Variants in PIWIL3 observed in about 807,000 individuals in gnomAD.
The protein encoded by PIWIL3 is piwi like RNA-mediated gene silencing 3, also known as piwi-like protein 3.
A neutral mutation model predicts 109.7 loss-of-function variants in PIWIL3; 101 were observed. The ratio of observed to expected loss-of-function variants is 0.92; its 90% CI spans 0.78 to 1.09. PIWIL3 has a LOEUF of 1.09. Ranked by LOEUF, PIWIL3 falls within the 50% of genes least tolerant of loss-of-function variation. PIWIL3 has a pLI of 0.00. For missense variants in PIWIL3, 1,031 were observed against 1,072.6 expected, an observed-to-expected ratio of 0.96 and a Z score of 0.54; for synonymous variants, 373 against 376.4, an observed-to-expected ratio of 0.99 and a Z score of 0.10.
intron 16 of PIWIL3, 32 bp downstream of exon 16, chr22:24,727,918 C>A: frequency 6.5e-7 from 1 of 1,540,814 alleles, no homozygotes; most frequent in Non-Finnish European, 8.9e-7. Context: ...CAGTCAGCTA[C>A]TAACTAAACA....
At chr22:24,746,774 A>G (rs1210952217) in intron 12 of PIWIL3, among the ~76,000 whole-genome samples, 1 of 152,112 alleles carries the variant, frequency 6.6e-6, no homozygotes, top group Admixed American at 6.6e-5. Context: ...TAAAATACCT[A>G]GGAATTAACC....
At chr22:24,757,079 CAAAA>C (rs71189275) in intron 4 of PIWIL3, among the ~76,000 whole-genome samples, 41 of 91,732 alleles carry the variant, frequency 4.5e-4, no homozygotes, top group Admixed American at 8.2e-4. Context: ...AACTCCGTCT[CAAAA>C]AAAAAAAAAA....
In PIWIL3 at chr22:24,754,766, T is replaced by G; in HGVS notation, c.773+18A>C. On this transcript the variant is annotated intron_variant, in intron 7 of 20. Transcript: ENST00000616349. ...CGTTTAAGTCTGCAGAGTGTGAAAT[T>G]TTCTACTTTATACAAACCCATGACG... is the stretch of plus-strand genomic sequence containing the variant. The G allele has an allele frequency of 6.4e-7, 1 of 1,568,060 alleles. No homozygotes were observed. The highest frequency in any genetic ancestry group is 8.8e-7 in the Non-Finnish European group (1 of 1,138,778).
At chr22:24,769,061 G>A (rs183636832) in intron 1 of PIWIL3, among the ~76,000 whole-genome samples, 3 of 152,276 alleles carry the variant, frequency 2.0e-5, no homozygotes, top group African/African-American at 7.2e-5. Flanking sequence ...GGTATCCACA[G>A]GGATTGGTTC....
Position 24,725,505 on chromosome 22 carries a change from G to A in PIWIL3, c.2020C>T (p.Gln674Ter), listed in dbSNP as rs781352167. 1.2e-6 allele frequency: 2 copies of A among 1,614,026 alleles called. No individual in the cohort carries two copies. The highest frequency in any genetic ancestry group is 1.7e-6 in the Non-Finnish European group (2 of 1,180,020). Residue 674 changes from glutamine to a stop codon, truncating the protein, a stop_gained, in exon 17 of 21, where the codon CAA becomes TAA. Coordinates refer to ENST00000616349, the MANE Select transcript of PIWIL3 (RefSeq NM_001255975.1). LOFTEE classifies it high-confidence loss of function. The part of the protein sequence containing the change: ...TNAELTKWYS[Q>*]CVIQKTGEEL... Reference sequence around the variant, plus strand: ...TCTCCTGTTTTCTGGATGACACATTGAGAGTACCACCTGTTCACAGAAAAA... The same window carrying A: ...TCTCCTGTTTTCTGGATGACACATTAAGAGTACCACCTGTTCACAGAAAAA...
chr22:24,732,049 T>A (rs1025306111), intron 14 of PIWIL3, among the ~76,000 whole-genome samples: 2 of 152,146 alleles, frequency 1.3e-5, no homozygotes, highest in African/African-American at 2.4e-5. Context: ...AACCGACACA[T>A]CCCCAAACAT....
chr22:24,752,882 T>G lies in PIWIL3; in HGVS notation c.977+1132A>C, dbSNP rs1018703205. 2.2e-4 allele frequency among the ~76,000 whole-genome samples: 33 copies of G among 152,196 alleles called. 1 individual carries two copies. The highest frequency in any genetic ancestry group is 8.0e-4 in the African/African-American group (33 of 41,462). On this transcript the variant is annotated intron_variant, in intron 8 of 20. Coordinates refer to ENST00000616349, the MANE Select transcript of PIWIL3 (RefSeq NM_001255975.1). The stretch of plus-strand genomic sequence containing the variant: ...CCATCCTAGTGGGTGTGAAATGATA[T>G]CTCATTGTGGTTTTCACTTGCATTT...
At position 24,762,431 on chromosome 22, in the gene PIWIL3, T is replaced by C. The variant is rs146213051; in HGVS notation, c.69A>G (p.Ala23=). 2.5e-3 allele frequency: 4,021 copies of C among 1,613,982 alleles called. 18 individuals carry two copies. The highest frequency in any genetic ancestry group is 2.1e-3 in the Non-Finnish European group (2,429 of 1,179,934). ...ATCCAGGTGCTCTGGGTCCCCCAGGTGCCTCTTGTTGGTAGCTCTCCCTGC... is the reference window on the plus strand; with the variant it reads ...ATCCAGGTGCTCTGGGTCCCCCAGGCGCCTCTTGTTGGTAGCTCTCCCTGC... ...ARRRESYQQE[A]PGGPRAPGSA... is the part of the protein sequence containing the mutation. Residue 23 remains alanine, a synonymous_variant, in exon 2 of 21, where the codon GCA becomes GCG. Transcript: ENST00000616349.
rs181593881 is a variant in PIWIL3, at chr22:24,734,282, T to A, written c.1635-126A>T. 4,509 of 1,380,774 alleles carry A rather than the reference T, an allele frequency of 3.3e-3. 15 individuals carry two copies. Among genetic ancestry groups the A allele is most frequent in the South Asian group, 7.8e-3 (459 of 58,710 alleles). The allele number at this position is 1,380,774 out of a possible 1,614,324, so 85.5% of individuals were successfully genotyped here. ...AAGATATGCATTTCAGTAGAAAGTA[T>A]GTTTAAAAGAAAAAAGACAGTAGAC... is the stretch of plus-strand genomic sequence containing the variant. On this transcript the variant is annotated intron_variant, in intron 13 of 20. Transcript: ENST00000616349.
intron 16 of PIWIL3, among the ~76,000 whole-genome samples, chr22:24,726,689 T>C (rs532680446): frequency 1.3e-5 from 2 of 152,222 alleles, no homozygotes; most frequent in Non-Finnish European, 2.9e-5. Context: ...GTTGAATAAT[T>C]GAAAGTATAA....
chr22:24,727,656 C>T (rs1027570856), intron 16 of PIWIL3, among the ~76,000 whole-genome samples: 3 of 152,134 alleles, frequency 2.0e-5, no homozygotes, highest in Non-Finnish European at 2.9e-5. Flanking sequence ...GTCCTGAGAG[C>T]GTGAACTACC....
intron 19 of PIWIL3, among the ~76,000 whole-genome samples, chr22:24,721,641 C>T (rs558262110): frequency 1.3e-5 from 2 of 152,266 alleles, no homozygotes; most frequent in East Asian, 3.9e-4. Flanking sequence ...TATGTCTAAC[C>T]TTCTCTTTAA....
intron 12 of PIWIL3, among the ~76,000 whole-genome samples, chr22:24,748,402 G>A (rs1486663055): frequency 6.6e-6 from 1 of 152,096 alleles, no homozygotes; most frequent in Non-Finnish European, 1.5e-5. Flanking sequence ...AATAATTTGT[G>A]TATTTTAAAA....
At position 24,749,414 on chromosome 22, in the gene PIWIL3, T is replaced by C; in HGVS notation, c.1324A>G (p.Thr442Ala). 1 of 1,613,788 alleles carries C rather than the reference T, an allele frequency of 6.2e-7. No homozygotes were observed. The highest frequency in any genetic ancestry group is 1.7e-4 in the Middle Eastern group (1 of 6,060). Residue 442 changes from threonine (T) to alanine (A), a missense_variant, in exon 11 of 21, where the codon ACT becomes GCT. By Grantham distance (58) the Thr-to-Ala change is moderately conservative (BLOSUM62 0). Coordinates refer to ENST00000616349, the MANE Select transcript of PIWIL3 (RefSeq NM_001255975.1). ...AAAAGCAGCACTTACTCTTGTAGAG[T>C]ATTGATGAATTCTTTTAATGTATGA... ...RHHTLKEFIN[T>A]LQDNKKVREL...
chr22:24,773,449 A>G (rs1926239302), intron 1 of PIWIL3, among the ~76,000 whole-genome samples: 1 of 152,128 alleles, frequency 6.6e-6, no homozygotes, highest in Non-Finnish European at 1.5e-5. Context: ...TTGAGCTTGA[A>G]GCACTGGCAG....
chr22:24,726,344 G>C (rs904495524), intron 16 of PIWIL3, among the ~76,000 whole-genome samples: 1 of 150,750 alleles, frequency 6.6e-6, no homozygotes. Context: ...GTGCAGTGGC[G>C]TGATCTTGGC....
Position 24,758,034 on chromosome 22 carries a change from T to G in PIWIL3, c.229A>C (p.Lys77Gln). The change falls in exon 4 of 21, where the codon AAG (lysine) becomes CAG (glutamine). Residue 77 changes from lysine to glutamine, a missense_variant. Physicochemically the swap from Lys to Gln is moderately conservative, Grantham distance 53 (BLOSUM62 1). Coordinates refer to ENST00000616349, the MANE Select transcript of PIWIL3 (RefSeq NM_001255975.1). Reference sequence around the variant, plus strand: ...AACCCAGCCTCAGGTCCAGGTTCCTTCACCCCTGCATAAATGTAAACGCCA... The same window carrying G: ...AACCCAGCCTCAGGTCCAGGTTCCTGCACCCCTGCATAAATGTAAACGCCA... ...AGGGAQSQGV[K>Q]EPGPEAGLHT... 1 of 1,610,008 alleles carries G rather than the reference T, an allele frequency of 6.2e-7. No individual in the cohort carries two copies. Among genetic ancestry groups the G allele is most frequent in the East Asian group, 2.2e-5 (1 of 44,828 alleles).
intron 1 of PIWIL3, among the ~76,000 whole-genome samples, chr22:24,767,397 A>G (rs1222808464): frequency 6.6e-6 from 1 of 151,618 alleles, no homozygotes; most frequent in Non-Finnish European, 1.5e-5. Flanking sequence ...AAATAAATAA[A>G]TAAATTAGCC....
rs913147655 is a variant in PIWIL3, at chr22:24,734,849, CA to C, written c.1635-694del. Among the ~76,000 whole-genome samples, 9 of 121,152 alleles carry C rather than the reference CA, an allele frequency of 7.4e-5. No homozygotes were observed. The East Asian group carries it at 1.2e-3, about 16-fold the overall frequency. 79.5% of individuals were successfully genotyped at this position (121,152 alleles called of 152,430 possible). A position where few individuals can be genotyped will look rare whatever the true frequency, so the allele number is the denominator to read the frequency against. ...TTTTTTTTTTTTTAGAAAAAAAAAC[CA>C]AAAAAAACAACGTTTAGGTTCAGGG... On this transcript the variant is annotated intron_variant, in intron 13 of 20. Coordinates refer to ENST00000616349, the MANE Select transcript of PIWIL3 (RefSeq NM_001255975.1).
Sources: gnomAD v4.1 joint callset for allele counts (sites outside exome capture counted in the v4.1 genomes callset) on GRCh38, gnomAD v4.1.1 for gene constraint, MANE v1.5 for transcripts, NCBI Gene and HGNC (gene_info 2026-07-23, HGNC 2026-07-21) for gene names.